The following CPZ variants were observed in gnomAD, a reference collection of about 807,000 sequenced individuals.
CPZ encodes the protein VEZT/CPZ fusion.
CPZ carries 103 observed loss-of-function variants against 61.8 expected under a neutral mutation model. The observed-to-expected ratio is 1.67, with a 90% CI of 1.42 to 1.96. The LOEUF (loss-of-function observed/expected upper bound fraction) is 1.96. Ranked by LOEUF, CPZ falls within the 30% of genes most tolerant of loss-of-function variation. The pLI, the probability that CPZ is intolerant of heterozygous loss-of-function variation, is 0.00. For synonymous variants in CPZ, 551 were observed against 373.7 expected (o/e 1.47, Z -5.47); for missense variants, 1,461 against 914.9 (o/e 1.60, Z -7.70).
chr4:8,606,618 TA>T, intron 5 of CPZ, 118 bp from the exon 6 acceptor site: 1 of 1,321,504 alleles, frequency 7.6e-7, no homozygotes, highest in Non-Finnish European at 1.1e-6. Flanking sequence ...GCTCATCACA[TA>T]AAGCCGGGGG....
At chr4:8,603,743 TACTC>T in intron 3 of CPZ, 2 of 576,974 alleles carry the variant, frequency 3.5e-6, no homozygotes, top group Admixed American at 6.3e-5. Flanking sequence ...ATAGTATGTT[TACTC>T]ACAGTCACGT....
At chr4:8,592,951 C>T (rs748874417) in intron 1 of CPZ, 30 bp downstream of exon 1, 4 of 1,481,246 alleles carry the variant, frequency 2.7e-6, no homozygotes, top group Non-Finnish European at 3.6e-6. Flanking sequence ...CCACCCTCCA[C>T]CCTCCACCCT....
At chr4:8,609,619 A>C (rs896661140) in intron 7 of CPZ, among the ~76,000 whole-genome samples, 1 of 148,524 alleles carries the variant, frequency 6.7e-6, no homozygotes, top group African/African-American at 2.6e-5. Context: ...GCACAGGCCC[A>C]GTGTGTCTCA....
chr4:8,615,487 C>T (rs1407069131), intron 9 of CPZ, among the ~76,000 whole-genome samples: 1 of 152,234 alleles, frequency 6.6e-6, no homozygotes, highest in Admixed American at 6.5e-5. Flanking sequence ...AAGCAGGCCT[C>T]AGAAAGAGGG....
At chr4:8,614,012 C>T (rs1348006117) in intron 8 of CPZ, among the ~76,000 whole-genome samples, 1 of 152,232 alleles carries the variant, frequency 6.6e-6, no homozygotes, top group African/African-American at 2.4e-5. Context: ...GTGGGGAAGC[C>T]TGTGGACTTT....
chr4:8,609,740 G>A (rs1393143753), intron 7 of CPZ, among the ~76,000 whole-genome samples: 1 of 152,218 alleles, frequency 6.6e-6, no homozygotes, highest in African/African-American at 2.4e-5. Context: ...TCACCCCAGT[G>A]AGTCCCATCA....
chr4:8,616,752 T>C (rs1356521671), intron 9 of CPZ, among the ~76,000 whole-genome samples: 1 of 152,206 alleles, frequency 6.6e-6, no homozygotes, highest in African/African-American at 2.4e-5. Context: ...TCACCTCTCA[T>C]GCAGGAAAAC....
chr4:8,609,558 C>T (rs1195105805), intron 7 of CPZ, among the ~76,000 whole-genome samples: 1 of 140,352 alleles, frequency 7.1e-6, no homozygotes, highest in African/African-American at 3.3e-5. Context: ...CCTGGCCTTG[C>T]ACCCCTGTGC....
Position 8,619,321 on chromosome 4 carries a change from G to A in CPZ, c.1663G>A (p.Ala555Thr). Residue 555 changes from alanine to threonine, a missense_variant, in exon 11 of 11, where the codon GCC becomes ACC. By Grantham distance (58) the Ala-to-Thr change is moderately conservative. Transcript: ENST00000360986. ...PPGIHIVIAQ[A>T]PGYAKVIKKV... Reference sequence around the variant, plus strand: ...AGGTATCCACATTGTCATTGCCCAAGCCCCTGGCTACGCCAAAGTCATCAA... The same window carrying A: ...AGGTATCCACATTGTCATTGCCCAAACCCCTGGCTACGCCAAAGTCATCAA... 3.1e-6 allele frequency: 5 copies of A among 1,614,058 alleles called. No homozygotes were observed. Among genetic ancestry groups the A allele is most frequent in the East Asian group, 2.2e-5 (1 of 44,876 alleles).
Position 8,601,388 on chromosome 4 carries a change from C to G in CPZ, c.387C>G (p.Cys129Trp), listed in dbSNP as rs1714564799. 6.3e-7 allele frequency: 1 copy of G among 1,597,234 alleles called. No individual in the cohort carries two copies. The highest frequency in any genetic ancestry group is 8.5e-7 in the Non-Finnish European group (1 of 1,170,504). The change falls in exon 3 of 11, where the codon TGC becomes TGG. Residue 129 changes from cysteine to tryptophan, a missense_variant. Transcript: ENST00000360986. ...RHICEGLREVCQPAFDAIDMA... is the reference protein window; with the variant it reads ...RHICEGLREVWQPAFDAIDMA... ...TCTGCGAGGGCCTGCGGGAGGTCTG[C>G]CAGCCCGCCTTCGACGCCATTGACA... is the stretch of plus-strand genomic sequence containing the variant.
intron 3 of CPZ, chr4:8,602,135 C>T (rs1244059663): frequency 6.6e-6 from 1 of 152,316 alleles, no homozygotes; most frequent in Admixed American, 6.5e-5. Context: ...GTGGGCAAGA[C>T]TGGGCCACCA....
At chr4:8,609,227 CTCATTGTCACTCAT>C (rs1353001980) in intron 7 of CPZ, among the ~76,000 whole-genome samples, 2 of 150,362 alleles carry the variant, frequency 1.3e-5, no homozygotes, top group Non-Finnish European at 3.0e-5. Context: ...CACTTACTCA[CTCATTGTCACTCAT>C]TCACTCATCA....
At chr4:8,596,807 C>G (rs9790812) in intron 1 of CPZ, among the ~76,000 whole-genome samples, 2,058 of 152,328 alleles carry the variant, frequency 0.014, 48 homozygotes, top group African/African-American at 0.047. Context: ...GGTCCAGTCA[C>G]TTGTGTGGGC....
At position 8,619,296 on chromosome 4, in the gene CPZ, A is replaced by C; in HGVS notation, c.1638A>C (p.Pro546=). Reference sequence around the variant, plus strand: ...GTGACTACTGGAGACTGCTGCCCCCAGGTATCCACATTGTCATTGCCCAAG... The same window carrying C: ...GTGACTACTGGAGACTGCTGCCCCCCGGTATCCACATTGTCATTGCCCAAG... ...PDGDYWRLLP[P]GIHIVIAQAP... The change falls in exon 11 of 11, where the codon CCA becomes CCC. Residue 546 remains proline, a synonymous_variant. Transcript: ENST00000360986. The C allele has an allele frequency of 6.2e-7, 1 of 1,613,536 alleles. No individual in the cohort carries two copies. The highest frequency in any genetic ancestry group is 2.2e-5 in the East Asian group (1 of 44,880).
At chr4:8,599,874 C>T (rs560820474) in intron 2 of CPZ, 5 of 231,262 alleles carry the variant, frequency 2.2e-5, no homozygotes, top group South Asian at 1.3e-4. Flanking sequence ...CGCCAGGCCC[C>T]GATTTCCTCC....
chr4:8,596,339 T>A (rs1714176264), intron 1 of CPZ, among the ~76,000 whole-genome samples: 1 of 152,236 alleles, frequency 6.6e-6, no homozygotes, highest in South Asian at 2.1e-4. Context: ...TGTGGGCCAC[T>A]GCACCCGGCT....
chr4:8,618,330 A>G (rs1335803513), intron 9 of CPZ, 99 bp from the exon 10 acceptor site: 6 of 1,159,068 alleles, frequency 5.2e-6, no homozygotes, highest in African/African-American at 1.5e-5. Flanking sequence ...TTCCCCCTAG[A>G]TACCAAGCTC....
chr4:8,609,480 G>A (rs1715458635), intron 7 of CPZ, among the ~76,000 whole-genome samples: 1 of 152,236 alleles, frequency 6.6e-6, no homozygotes, highest in African/African-American at 2.4e-5. Flanking sequence ...CGAGGGGTGA[G>A]GTGTCTGGTT....
At chr4:8,611,621 G>C (rs1276894023) in intron 7 of CPZ, among the ~76,000 whole-genome samples, 2 of 152,158 alleles carry the variant, frequency 1.3e-5, no homozygotes, top group Non-Finnish European at 2.9e-5. Flanking sequence ...ATGAAGTCGG[G>C]GAAAATGCAG....
Sources: gnomAD v4.1 joint callset for allele counts (sites outside exome capture counted in the v4.1 genomes callset) on GRCh38, gnomAD v4.1.1 for gene constraint, MANE v1.5 for transcripts, NCBI Gene and HGNC (gene_info 2026-07-23, HGNC 2026-07-21) for gene names.